Variants in SH3GLB2 observed in about 807,000 individuals in gnomAD.
The protein encoded by SH3GLB2 is endophilin-B2.
A neutral mutation model predicts 48.0 loss-of-function variants in SH3GLB2; 24 were observed. The ratio of observed to expected loss-of-function variants is 0.50; its 90% confidence interval spans 0.36 to 0.70. The LOEUF (loss-of-function observed/expected upper bound fraction) is 0.70, where lower values mean the gene tolerates loss of function less well. Among genes scored for constraint, SH3GLB2 ranks in the 30% least tolerant of loss-of-function variants. The pLI, the probability that SH3GLB2 is intolerant of heterozygous loss-of-function variation, is 0.00. For synonymous variants in SH3GLB2, 227 were observed against 207.6 expected, an observed-to-expected ratio of 1.09 and a Z score of -0.80; for missense variants, 425 against 516.0, an observed-to-expected ratio of 0.82 and a Z score of 1.71.
Position 129,014,090 on chromosome 9 carries a change from C to A in SH3GLB2, c.561+321G>T. 1.7e-6 allele frequency: 1 copy of A among 586,196 alleles called. No individual in the cohort carries two copies. The highest frequency in any genetic ancestry group is 3.2e-6 in the Non-Finnish European group (1 of 310,980). 36.3% of individuals were successfully genotyped at this position (586,196 alleles called of 1,614,324 possible). ...AGAAGGTGCCATGCCCGGGCAGAGC[C>A]GGGGACAGAGCCGAGCATCTAGGAG... On this transcript the variant is annotated intron_variant, in intron 5 of 10. Coordinates refer to ENST00000372564, the MANE Select transcript of SH3GLB2 (RefSeq NM_020145.4). This position sits in a 1 kb window ranked among gnomAD's most constrained non-coding sequence, Gnocchi z 4.1.
rs1466541459 is a variant in SH3GLB2 at position 129,028,201 on chromosome 9, C to G, written c.-47G>C. 2 of 1,187,926 alleles carry G rather than the reference C, an allele frequency of 1.7e-6. No homozygotes were observed. The highest frequency in any genetic ancestry group is 2.1e-6 in the Non-Finnish European group (2 of 959,698). The allele number at this position is 1,187,926 out of a possible 1,614,324, so 73.6% of individuals were successfully genotyped here. ...CGCACGGCCCGAGCGCAGCCGGCAG[C>G]CCCCGGCCCAGCCGCCGCCGCCAAC... On this transcript the variant is annotated 5_prime_UTR_variant, in exon 1 of 11. Transcript: ENST00000372564.
Position 129,028,175 on chromosome 9 carries a change from G to A in SH3GLB2, c.-21C>T, listed in dbSNP as rs1484489217. 3.6e-6 allele frequency: 5 copies of A among 1,405,004 alleles called. No individual in the cohort carries two copies. The highest frequency in any genetic ancestry group is 1.6e-5 in the African/African-American group (1 of 61,696). 87.0% of individuals were successfully genotyped at this position (1,405,004 alleles called of 1,614,324 possible). A position where few individuals can be genotyped will look rare whatever the true frequency, so the allele number is the denominator to read the frequency against. On this transcript the variant is annotated 5_prime_UTR_variant, in exon 1 of 11. Transcript: ENST00000372564. ...TCCATGGCGTGCCCGCACGGCCGCC[G>A]CGCACGGCCCGAGCGCAGCCGGCAG...
At chr9:129,024,256 C>CAAAAA (rs1169096733) in intron 1 of SH3GLB2, among the ~76,000 whole-genome samples, 17 of 54,468 alleles carry the variant, frequency 3.1e-4, no homozygotes, top group South Asian at 8.5e-4. Flanking sequence ...CTCCTCTCTA[C>CAAAAA]AAAAAAAAAA....
In SH3GLB2 at chr9:129,021,236, G is replaced by A. The variant is rs536283267; in HGVS notation, c.206-17C>T. ...CTCGGGCACCTGTGGGGAGACAGCA[G>A]CCAAAGCCACAGGGCTCCTTAGTTC... On this transcript the variant is annotated splice_polypyrimidine_tract_variant and intron_variant, in intron 2 of 10. Coordinates refer to ENST00000372564, the MANE Select transcript of SH3GLB2 (RefSeq NM_020145.4). The A allele has an allele frequency of 1.9e-6, 3 of 1,591,902 alleles. No homozygotes were observed. Among genetic ancestry groups the A allele is most frequent in the Non-Finnish European group, 2.6e-6 (3 of 1,170,798 alleles).
At position 129,022,321 on chromosome 9, in the gene SH3GLB2, T is replaced by A; in HGVS notation, c.166A>T (p.Ile56Phe). 1 of 1,614,106 alleles carries A rather than the reference T, an allele frequency of 6.2e-7. No individual in the cohort carries two copies. Among genetic ancestry groups the A allele is most frequent in the Admixed American group, 1.7e-5 (1 of 60,008 alleles). The change falls in exon 2 of 11, where the codon ATC (isoleucine) becomes TTC (phenylalanine). Residue 56 changes from isoleucine (I) to phenylalanine (F), a missense_variant. Transcript: ENST00000372564. ...ADSTKNWTEK[I>F]LRQTEVLLQP... The stretch of plus-strand genomic sequence containing the variant: ...AGCAGCACCTCTGTCTGCCTCAAGA[T>A]CTTCTCTGTCCAGTTCTTGGTGCTG...
intron 3 of SH3GLB2, among the ~76,000 whole-genome samples, chr9:129,016,902 A>G (rs1843460830): frequency 6.6e-6 from 1 of 151,786 alleles, no homozygotes; most frequent in Non-Finnish European, 1.5e-5. Context: ...TGACAAAGAG[A>G]GAAATAAGAT....
intron 6 of SH3GLB2, 62 bp from the exon 7 acceptor site, chr9:129,010,755 G>A: frequency 1.9e-6 from 3 of 1,603,008 alleles, no homozygotes; most frequent in Non-Finnish European, 2.6e-6. Context: ...CTGGACCCTA[G>A]AGCCTGTGCC....
chr9:129,016,951 CTTTTTTTT>C (rs766780203), intron 3 of SH3GLB2, among the ~76,000 whole-genome samples: 1 of 112,426 alleles, frequency 8.9e-6, no homozygotes, highest in East Asian at 2.5e-4. Flanking sequence ...ATACTCTGCT[CTTTTTTTT>C]TTTTTTTTTT....
At chr9:129,012,209 G>A (rs1177441173) in intron 6 of SH3GLB2, 27 bp downstream of exon 6, 36 of 1,238,906 alleles carry the variant, frequency 2.9e-5, no homozygotes, top group Non-Finnish European at 3.5e-5. Flanking sequence ...GAGGACGAGG[G>A]GTGGGGTGGG....
chr9:129,014,641 C>T lies in SH3GLB2; in HGVS notation c.468+130G>A, dbSNP rs2131255592. 6.7e-6 allele frequency: 10 copies of T among 1,501,386 alleles called. No homozygotes were observed. The highest frequency in any genetic ancestry group is 2.4e-5 in the South Asian group (2 of 82,894). The allele number at this position is 1,501,386 out of a possible 1,614,324, so 93.0% of individuals were successfully genotyped here. A position where few individuals can be genotyped will look rare whatever the true frequency, so the allele number is the denominator to read the frequency against. On this transcript the variant is annotated intron_variant, in intron 4 of 10. Transcript: ENST00000372564. The surrounding 1 kb of genome is among the most constrained non-coding windows in gnomAD (Gnocchi z 4.1). ...CCCAGAGATAGGAGGTCACTCAGTC[C>T]AAAGGAGCCCTCTCTGGGGAGGCCT...
intron 6 of SH3GLB2, 50 bp downstream of exon 6, chr9:129,012,186 C>T (rs774483984): frequency 5.6e-5 from 41 of 736,766 alleles, no homozygotes; most frequent in Admixed American, 2.8e-4. Context: ...TGGTGTGGGA[C>T]GTGGGGAGAG....
At position 129,028,052 on chromosome 9, in the gene SH3GLB2, C is replaced by T. The variant is rs1445727329; in HGVS notation, c.63+40G>A. 4.7e-6 allele frequency: 7 copies of T among 1,490,260 alleles called. No individual in the cohort carries two copies. In the African/African-American group the frequency reaches 1.0e-4, roughly 22 times the overall value. The allele number at this position is 1,490,260 out of a possible 1,614,324, so 92.3% of individuals were successfully genotyped here. ...CGCAGGGTGCTCCCCGCCCGCCGCA[C>T]ATCCGGGCCCCCGGCGCACGGCGCG... On this transcript the variant is annotated intron_variant, in intron 1 of 10. Coordinates refer to ENST00000372564, the MANE Select transcript of SH3GLB2 (RefSeq NM_020145.4).
intron 1 of SH3GLB2, 27 bp from the exon 2 acceptor site, chr9:129,022,450 G>C: frequency 6.2e-7 from 1 of 1,605,780 alleles, no homozygotes; most frequent in African/African-American, 1.3e-5. Flanking sequence ...GCCAAGGGGT[G>C]GGGAGGGGGA....
At chr9:129,022,786 G>C (rs559635020) in intron 1 of SH3GLB2, among the ~76,000 whole-genome samples, 1 of 152,316 alleles carries the variant, frequency 6.6e-6, no homozygotes, top group African/African-American at 2.4e-5. Flanking sequence ...CTGAAGGAGA[G>C]GACTTGGTAG....
At chr9:129,027,592 T>G (rs1844233883) in intron 1 of SH3GLB2, among the ~76,000 whole-genome samples, 1 of 152,166 alleles carries the variant, frequency 6.6e-6, no homozygotes, top group Non-Finnish European at 1.5e-5. Context: ...AAACAACTCC[T>G]GGCTTCCGGC....
chr9:129,024,256 CAAA>C (rs1169096733), intron 1 of SH3GLB2, among the ~76,000 whole-genome samples: 376 of 54,474 alleles, frequency 6.9e-3, no homozygotes, highest in Middle Eastern at 0.037. Flanking sequence ...CTCCTCTCTA[CAAA>C]AAAAAAAAAA....
At chr9:129,026,749 G>A (rs946762234) in intron 1 of SH3GLB2, among the ~76,000 whole-genome samples, 23 of 152,226 alleles carry the variant, frequency 1.5e-4, no homozygotes, top group African/African-American at 5.5e-4. Flanking sequence ...AGATAGTGTG[G>A]TTGCCATACC....
rs202079770 is a variant in SH3GLB2 at position 129,009,821 on chromosome 9, G to A, written c.789C>T (p.Tyr263=). 134 of 1,613,940 alleles carry A rather than the reference G, an allele frequency of 8.3e-5. No individual in the cohort carries two copies. The highest frequency in any genetic ancestry group is 2.0e-4 in the Admixed American group (12 of 59,972). ...LHEFVKSQTT[Y]YAQCYRHMLD... ...GCATGTGGCGGTAGCACTGTGCGTA[G>A]TAGGTTGTCTGAGACTTGACGAACT... The change falls in exon 9 of 11, where the codon TAC becomes TAT. Residue 263 remains tyrosine (Y), a synonymous_variant. Coordinates refer to ENST00000372564, the MANE Select transcript of SH3GLB2 (RefSeq NM_020145.4).
intron 1 of SH3GLB2, among the ~76,000 whole-genome samples, chr9:129,024,256 CAAAAAAAA>C (rs1169096733): frequency 1.8e-5 from 1 of 54,520 alleles, no homozygotes; most frequent in Non-Finnish European, 3.3e-5. Context: ...CTCCTCTCTA[CAAAAAAAA>C]AAAAAAAAAA....
Sources: gnomAD v4.1 joint callset for allele counts (sites outside exome capture counted in the v4.1 genomes callset) on GRCh38, gnomAD v4.1.1 for gene constraint, Gnocchi (gnomAD v3.1) non-coding constraint, MANE v1.5 for transcripts, NCBI Gene and HGNC (gene_info 2026-07-23, HGNC 2026-07-21) for gene names.